The following KAZN variants were observed in gnomAD, a reference collection of about 807,000 sequenced individuals.
KAZN encodes kazrin.
A neutral mutation model predicts 87.4 loss-of-function variants in KAZN; 40 were observed. The ratio of observed to expected loss-of-function variants is 0.46; its 90% CI spans 0.36 to 0.60. KAZN has a LOEUF of 0.60. Ranked by LOEUF, KAZN falls within the 20% of genes least tolerant of loss-of-function variation. The pLI is 0.00. For missense variants in KAZN, 898 were observed against 1,073.9 expected (o/e 0.84, Z 2.29); for synonymous variants, 466 against 458.3 (o/e 1.02, Z -0.22).
intron 1 of KAZN, among the ~76,000 whole-genome samples, chr1:14,867,731 C>CG (rs199843327): frequency 1.6e-5 from 2 of 124,926 alleles, no homozygotes; most frequent in Non-Finnish European, 1.7e-5. Flanking sequence ...GACACCCCCC[C>CG]CCCCACCCTG....
At chr1:14,749,048 G>A (rs1339359487) in intron 1 of KAZN, among the ~76,000 whole-genome samples, 2 of 152,174 alleles carry the variant, frequency 1.3e-5, no homozygotes, top group Admixed American at 6.5e-5. Flanking sequence ...TTCTGCCACA[G>A]GCAAGTCACT....
At chr1:14,578,220 G>C (rs1392084558) in intron 2 of KAZN, among the ~76,000 whole-genome samples, 1 of 151,984 alleles carries the variant, frequency 6.6e-6, no homozygotes, top group Non-Finnish European at 1.5e-5. Flanking sequence ...AAGTTGGATA[G>C]GGCCTGGAAA....
At position 14,885,642 on chromosome 1, in the gene KAZN, C is replaced by G. The variant is rs773846876; in HGVS notation, c.227-75042C>G. 1.1e-4 allele frequency among the ~76,000 whole-genome samples: 17 copies of G among 152,204 alleles called. 1 individual carries two copies. The Middle Eastern group carries it at 0.01, about 91-fold the overall frequency. ...TTATTACAGGAGTGAGCCACCGTGC[C>G]TGGCCTTATTTTCCTTCATAGAATC... On this transcript the variant is annotated intron_variant, in intron 1 of 14. Coordinates refer to ENST00000376030, the MANE Select transcript of KAZN (RefSeq NM_201628.3).
chr1:15,112,335 GT>G (rs1641663252), intron 13 of KAZN, 91 bp from the exon 14 acceptor site: 2 of 12,648 alleles, frequency 1.6e-4, no homozygotes, highest in Non-Finnish European at 4.1e-4. Context: ...ACCAATGTGT[GT>G]GTGTGTGTGT....
At chr1:14,444,795 G>A (rs1406047482) in intron 2 of KAZN, among the ~76,000 whole-genome samples, 5 of 152,036 alleles carry the variant, frequency 3.3e-5, no homozygotes, top group African/African-American at 7.2e-5. Context: ...TTAAATAAGA[G>A]CCCAAAACAT....
intron 2 of KAZN, among the ~76,000 whole-genome samples, chr1:14,519,536 G>A (rs1194928625): frequency 6.6e-6 from 1 of 152,174 alleles, no homozygotes; most frequent in Non-Finnish European, 1.5e-5. Flanking sequence ...ACCCCCAGTG[G>A]CACAGATTGC....
chr1:14,527,649 G>T (rs1349730465), intron 2 of KAZN, among the ~76,000 whole-genome samples: 4 of 152,124 alleles, frequency 2.6e-5, no homozygotes, highest in Admixed American at 6.5e-5. Flanking sequence ...CTGGTGAGGG[G>T]CTCCAGCTGC....
chr1:14,073,226 T>C (rs1440167987), intron 1 of KAZN, among the ~76,000 whole-genome samples: 1 of 152,072 alleles, frequency 6.6e-6, no homozygotes, highest in Non-Finnish European at 1.5e-5. Flanking sequence ...TATGTAGAGA[T>C]AGGAACAGGA....
intron 1 of KAZN, among the ~76,000 whole-genome samples, chr1:13,897,009 T>C (rs1639069777): frequency 6.6e-6 from 1 of 152,182 alleles, no homozygotes; most frequent in East Asian, 1.9e-4. Flanking sequence ...GGGAAGAGCA[T>C]GTGGTTCTTT....
At chr1:14,700,276 A>G (rs12070094) in intron 1 of KAZN, among the ~76,000 whole-genome samples, 9,035 of 152,196 alleles carry the variant, frequency 0.059, 889 homozygotes, top group African/African-American at 0.2. Context: ...GTTTGAGACC[A>G]GCCTGGTCAA....
At chr1:14,984,812 G>A (rs1666607748) in intron 2 of KAZN, among the ~76,000 whole-genome samples, 1 of 152,146 alleles carries the variant, frequency 6.6e-6, no homozygotes, top group Non-Finnish European at 1.5e-5. Flanking sequence ...TGCTGGCAAA[G>A]ATGGGACAAT....
Position 14,083,895 on chromosome 1 carries a change from A to G in KAZN, c.92-96540A>G, listed in dbSNP as rs187509467. Among the ~76,000 whole-genome samples, 8 of 152,328 alleles carry G rather than the reference A, an allele frequency of 5.3e-5. No homozygotes were observed. In the East Asian group the frequency reaches 1.3e-3, roughly 26 times the overall value. ...ACTTTCTTCTATTTAACAAATATTT[A>G]TGAATCACTTACTGTGTGTTAGTCA... On this transcript the variant is annotated intron_variant, in intron 1 of 16. Coordinates refer to the KAZN transcript ENST00000636203.
intron 2 of KAZN, among the ~76,000 whole-genome samples, chr1:14,292,357 G>T (rs1653773020): frequency 6.6e-6 from 1 of 152,206 alleles, no homozygotes; most frequent in South Asian, 2.1e-4. Flanking sequence ...TGGTCCCCTG[G>T]AGGGGGGCCT....
intron 2 of KAZN, among the ~76,000 whole-genome samples, chr1:14,374,701 C>T (rs1028254736): frequency 2.6e-5 from 4 of 152,158 alleles, no homozygotes; most frequent in African/African-American, 9.7e-5. Context: ...AGTCCACTCT[C>T]AGAATGTAGA....
intron 1 of KAZN, among the ~76,000 whole-genome samples, chr1:13,919,752 T>A (rs953396109): frequency 6.6e-6 from 1 of 152,354 alleles, no homozygotes; most frequent in African/African-American, 2.4e-5. Flanking sequence ...GGATGGTGGA[T>A]GTGGCTTGCC....
chr1:14,563,679 T>G (rs548206811), intron 2 of KAZN, among the ~76,000 whole-genome samples: 10 of 152,130 alleles, frequency 6.6e-5, no homozygotes, highest in Admixed American at 6.5e-4. Flanking sequence ...CTCCATCCCC[T>G]GGAGGGCAGT....
intron 1 of KAZN, among the ~76,000 whole-genome samples, chr1:14,013,697 A>C (rs970301292): frequency 6.6e-6 from 1 of 152,222 alleles, no homozygotes; most frequent in African/African-American, 2.4e-5. Context: ...AATCAAACTG[A>C]AATTGTGCCA....
intron 2 of KAZN, among the ~76,000 whole-genome samples, chr1:14,244,540 T>C (rs1649311616): frequency 6.6e-6 from 1 of 152,156 alleles, no homozygotes; most frequent in Admixed American, 6.5e-5. Context: ...GCTGAGGTTC[T>C]ATTGGGACAC....
At chr1:14,786,259 T>G (rs2100668037) in intron 1 of KAZN, among the ~76,000 whole-genome samples, 1 of 152,276 alleles carries the variant, frequency 6.6e-6, no homozygotes, top group African/African-American at 2.4e-5. Flanking sequence ...GGCTACTAAT[T>G]AACAATTATA....
Sources: allele counts gnomAD v4.1 joint callset (sites outside exome capture counted in the v4.1 genomes callset), GRCh38; gene constraint gnomAD v4.1.1; transcripts MANE v1.5; gene names NCBI Gene and HGNC (gene_info 2026-07-23, HGNC 2026-07-21).